The following SZT2 variants were observed in gnomAD, a reference collection of about 807,000 sequenced individuals.
SZT2 encodes KICSTOR complex protein SZT2.
A neutral mutation model predicts 404.2 loss-of-function variants in SZT2; 216 were observed. That is an observed-to-expected ratio of 0.53 (90% CI 0.48 to 0.60). The LOEUF (loss-of-function observed/expected upper bound fraction) is 0.60. Among genes scored for constraint, SZT2 ranks in the 20% least tolerant of loss-of-function variants. SZT2 has a pLI of 0.00. For synonymous variants in SZT2, 1,693 were observed against 1,749.9 expected, an observed-to-expected ratio of 0.97 and a Z score of 0.81; for missense variants, 3,857 against 4,459.2, an observed-to-expected ratio of 0.86 and a Z score of 3.85.
chr1:43,431,941 C>T, intron 36 of SZT2, 40 bp downstream of exon 36: 1 of 1,608,422 alleles, frequency 6.2e-7, no homozygotes, highest in Non-Finnish European at 8.5e-7. Context: ...ACCTTGGGGC[C>T]CGTCCTTCCC....
chr1:43,453,824 C>T lies in SZT2; in HGVS notation c.*3344C>T. 1 of 1,212,072 alleles carries T rather than the reference C, an allele frequency of 8.3e-7. No individual in the cohort carries two copies. Among genetic ancestry groups the T allele is most frequent in the Non-Finnish European group, 1.0e-6 (1 of 977,328 alleles). 75.1% of individuals were successfully genotyped at this position (1,212,072 alleles called of 1,614,324 possible). On this transcript the variant is annotated 3_prime_UTR_variant, in exon 72 of 72. Transcript: ENST00000634258. ...GGGAGGCCGGGCCGGGCGGAGTCCG[C>T]GGGATCCAAAGGCGGCGGGCGGCGG...
At position 43,428,263 on chromosome 1, in the gene SZT2, G is replaced by A. The variant is rs1653427302; in HGVS notation, c.3943G>A (p.Ala1315Thr). The A allele has an allele frequency of 3.1e-6, 5 of 1,614,088 alleles. No homozygotes were observed. The highest frequency in any genetic ancestry group is 2.2e-5 in the East Asian group (1 of 44,898). The change falls in exon 28 of 72, where the codon GCA (alanine) becomes ACA (threonine). Residue 1315 changes from alanine to threonine, a missense_variant. Ala to Thr is a moderately conservative substitution (Grantham distance 58). Transcript: ENST00000634258. ...AGGGCTATTCCGCAGCTTGCAGCAA[G>A]CACAGAGTGTGACCTCCCAGGATTT... ...VRGLFRSLQQAQSVTSQDLLT... is the reference protein window; with the variant it reads ...VRGLFRSLQQTQSVTSQDLLT...
chr1:43,414,761 C>G (rs1275489416), intron 4 of SZT2, among the ~76,000 whole-genome samples: 1 of 152,134 alleles, frequency 6.6e-6, no homozygotes, highest in Admixed American at 6.5e-5. Flanking sequence ...ATAAGACATC[C>G]TGTAGGCCAA....
chr1:43,413,499 C>T (rs1302059905), intron 4 of SZT2, among the ~76,000 whole-genome samples: 1 of 152,164 alleles, frequency 6.6e-6, no homozygotes, highest in Admixed American at 6.5e-5. Context: ...GATATCTGCA[C>T]TCCCATGTTT....
rs1653152188 is a variant in SZT2 at position 43,426,421 on chromosome 1, C to G, written c.3097C>G (p.Leu1033Val). 1 of 1,593,952 alleles carries G rather than the reference C, an allele frequency of 6.3e-7. No homozygotes were observed. The highest frequency in any genetic ancestry group is 1.7e-5 in the Admixed American group (1 of 59,508). The change falls in exon 22 of 72, where the codon CTG (leucine) becomes GTG (valine). Residue 1033 changes from leucine to valine, a missense_variant. By Grantham distance (32) the Leu-to-Val change is conservative. This residue lies in a region of SZT2 where 1,725 missense variants were observed against 1,881.0 expected (regional missense o/e 0.92). Transcript: ENST00000634258. The surrounding 1 kb of genome is among the most constrained non-coding windows in gnomAD (Gnocchi z 4.9). The stretch of plus-strand genomic sequence containing the variant: ...GTCCTGTCCTGCCAACGACATGGTG[C>G]TGTGCCTGCTGCACAGCTGCCTGGG... ...EGSCPANDMV[L>V]CLLHSCLGQE...
chr1:43,391,857 G>A (rs1227457743), intron 1 of SZT2, among the ~76,000 whole-genome samples: 1 of 27,412 alleles, frequency 3.6e-5, no homozygotes, highest in African/African-American at 1.5e-4. Flanking sequence ...CGAGGCGGGC[G>A]GATCACGAGG....
chr1:43,435,447 C>T, intron 42 of SZT2, 118 bp downstream of exon 42: 2 of 1,155,506 alleles, frequency 1.7e-6, no homozygotes, highest in Non-Finnish European at 2.4e-6. Context: ...GTGCCAAGTA[C>T]TAGAGAGAGA....
rs1181572790 is a variant in SZT2, at chr1:43,442,873, G to A, written c.8206G>A (p.Ala2736Thr). ...GGAAGTGGAGACCCTCATCCGGAGT[G>A]CAAGTCCCCCGCTGAGCCGTGAGCA... ...TMEVETLIRS[A>T]SPPLSREQGR... Residue 2736 changes from alanine to threonine, a missense_variant, in exon 59 of 72, where the codon GCA becomes ACA. Ala to Thr is a moderately conservative substitution (Grantham distance 58, BLOSUM62 0). Around this residue, in one of 7 missense-constraint regions of SZT2, gnomAD observed 573 missense variants for 592.4 expected, o/e 0.97. Coordinates refer to ENST00000634258, the MANE Select transcript of SZT2 (RefSeq NM_001365999.1). The surrounding 1 kb of genome is among the most constrained non-coding windows in gnomAD (Gnocchi z 4.5). The A allele has an allele frequency of 1.2e-6, 2 of 1,613,508 alleles. No homozygotes were observed. The highest frequency in any genetic ancestry group is 1.7e-6 in the Non-Finnish European group (2 of 1,179,716).
Position 43,415,165 on chromosome 1 carries a change from G to A in SZT2, c.582G>A (p.Glu194=), listed in dbSNP as rs770868102. The change falls in exon 5 of 72, where the codon GAG becomes GAA. Residue 194 remains glutamate, a synonymous_variant. Coordinates refer to ENST00000634258, the MANE Select transcript of SZT2 (RefSeq NM_001365999.1). ...TATATGAGCAGCTCTGCCTCTTTGA[G>A]GATAAGGTGGCCACCATGCTGCAGC... ...QQIYEQLCLF[E]DKVATMLQQQ... is the part of the protein sequence containing the mutation. 1.9e-6 allele frequency: 3 copies of A among 1,598,072 alleles called. No homozygotes were observed. Among genetic ancestry groups the A allele is most frequent in the East Asian group, 2.2e-5 (1 of 44,874 alleles).
Position 43,424,994 on chromosome 1 carries a change from T to C in SZT2, c.2551-119T>C. 1 of 1,508,766 alleles carries C rather than the reference T, an allele frequency of 6.6e-7. No homozygotes were observed. The highest frequency in any genetic ancestry group is 1.2e-5 in the South Asian group (1 of 86,318). The allele number at this position is 1,508,766 out of a possible 1,614,324, so 93.5% of individuals were successfully genotyped here. A position where few individuals can be genotyped will look rare whatever the true frequency, so the allele number is the denominator to read the frequency against. ...CTGTGGCCAGAGGATGCTCAAGGTC[T>C]GAGGCTGCAGTCATAGGACAATTTG... On this transcript the variant is annotated intron_variant, in intron 17 of 71. Coordinates refer to ENST00000634258, the MANE Select transcript of SZT2 (RefSeq NM_001365999.1). The surrounding 1 kb of genome is among the most constrained non-coding windows in gnomAD (Gnocchi z 4.1).
Position 43,422,110 on chromosome 1 carries a change from G to A in SZT2, c.1654G>A (p.Asp552Asn), listed in dbSNP as rs1395880643. The change falls in exon 12 of 72, where the codon GAC (aspartate) becomes AAC (asparagine). Residue 552 changes from aspartate to asparagine, a missense_variant. Around this residue, in one of 7 missense-constraint regions of SZT2, gnomAD observed 39 missense variants for 89.7 expected, o/e 0.43. Coordinates refer to ENST00000634258, the MANE Select transcript of SZT2 (RefSeq NM_001365999.1). ...PVLSLQPSGS[D>N]SSHAQFAAYW... ...GCTCTCCCTCCAGCCCAGTGGTTCT[G>A]ACTCATCCCATGCCCAGTTTGCTGC... 1 of 1,597,872 alleles carries A rather than the reference G, an allele frequency of 6.3e-7. No homozygotes were observed. The highest frequency in any genetic ancestry group is 8.5e-7 in the Non-Finnish European group (1 of 1,179,362).
In SZT2 at chr1:43,426,855, T is replaced by C. The variant is rs371964665; in HGVS notation, c.3309+46T>C. 14 of 1,593,204 alleles carry C rather than the reference T, an allele frequency of 8.8e-6. No homozygotes were observed. The African/African-American group carries it at 1.7e-4, about 20-fold the overall frequency. ...CTGAGCCCTTGTCACACTGACCTCC[T>C]TCCAGCACCACATCTTCAGGCCCCA... On this transcript the variant is annotated intron_variant, in intron 23 of 71. Transcript: ENST00000634258. The surrounding 1 kb of genome is among the most constrained non-coding windows in gnomAD (Gnocchi z 4.9).
At chr1:43,393,388 T>C (rs927118070) in intron 1 of SZT2, among the ~76,000 whole-genome samples, 6 of 152,204 alleles carry the variant, frequency 3.9e-5, no homozygotes, top group Non-Finnish European at 8.8e-5. Flanking sequence ...ACAGATGAGC[T>C]AACTGAGGCA....
chr1:43,409,467 A>G (rs1484179104), intron 4 of SZT2: 7 of 388,856 alleles, frequency 1.8e-5, no homozygotes, highest in Non-Finnish European at 3.5e-5. Context: ...AAACTGGAAA[A>G]TAAGTCAAAT....
intron 1 of SZT2, among the ~76,000 whole-genome samples, chr1:43,402,233 G>A (rs1649771301): frequency 6.6e-6 from 1 of 152,228 alleles, no homozygotes; most frequent in Non-Finnish European, 1.5e-5. Context: ...ACAGACAAGA[G>A]AAAGGGAGTA....
Position 43,453,831 on chromosome 1 carries a change from C to T in SZT2, c.*3351C>T, listed in dbSNP as rs1447811524. ...CGGGCCGGGCGGAGTCCGCGGGATC[C>T]AAAGGCGGCGGGCGGCGGGCGGCGG... On this transcript the variant is annotated 3_prime_UTR_variant, in exon 72 of 72. Coordinates refer to ENST00000634258, the MANE Select transcript of SZT2 (RefSeq NM_001365999.1). 8.3e-7 allele frequency: 1 copy of T among 1,206,112 alleles called. No homozygotes were observed. 74.7% of individuals were successfully genotyped at this position (1,206,112 alleles called of 1,614,324 possible).
chr1:43,424,997 G>A lies in SZT2; in HGVS notation c.2551-116G>A. ...TGGCCAGAGGATGCTCAAGGTCTGA[G>A]GCTGCAGTCATAGGACAATTTGGTG... is the stretch of plus-strand genomic sequence containing the variant. On this transcript the variant is annotated intron_variant, in intron 17 of 71. Transcript: ENST00000634258. The surrounding 1 kb of genome is among the most constrained non-coding windows in gnomAD (Gnocchi z 4.1). 2.0e-6 allele frequency: 3 copies of A among 1,514,434 alleles called. No individual in the cohort carries two copies. The highest frequency in any genetic ancestry group is 1.8e-6 in the Non-Finnish European group (2 of 1,093,452). 93.8% of individuals were successfully genotyped at this position (1,514,434 alleles called of 1,614,324 possible).
intron 65 of SZT2, 95 bp downstream of exon 65, chr1:43,446,511 G>T: frequency 6.7e-7 from 1 of 1,481,500 alleles, no homozygotes; most frequent in Non-Finnish European, 9.4e-7. Context: ...GAGTAATGCA[G>T]TAGGCGGGCT....
Position 43,389,986 on chromosome 1 carries a change from G to T in SZT2, c.18G>T (p.Pro6=), listed in dbSNP as rs1648072248. ...GCTGTGTGATGGCCTCGGAGCGCCCGGAGCCGGAGGTGAGGGGCGGGCGGG... is the reference window on the plus strand; with the variant it reads ...GCTGTGTGATGGCCTCGGAGCGCCCTGAGCCGGAGGTGAGGGGCGGGCGGG... The part of the protein sequence containing the change: MASER[P]EPEVEEAGQV... The change falls in exon 1 of 72, where the codon CCG becomes CCT. Residue 6 remains proline, a synonymous_variant. Coordinates refer to ENST00000634258, the MANE Select transcript of SZT2 (RefSeq NM_001365999.1). 7 of 1,394,160 alleles carry T rather than the reference G, an allele frequency of 5.0e-6. No individual in the cohort carries two copies. Among genetic ancestry groups the T allele is most frequent in the African/African-American group, 1.5e-5 (1 of 66,274 alleles). The allele number at this position is 1,394,160 out of a possible 1,614,324, so 86.4% of individuals were successfully genotyped here. A position where few individuals can be genotyped will look rare whatever the true frequency, so the allele number is the denominator to read the frequency against.
Sources: allele counts gnomAD v4.1 joint callset (sites outside exome capture counted in the v4.1 genomes callset), GRCh38; gene constraint gnomAD v4.1.1; regional missense constraint gnomAD v4.1.1; non-coding constraint Gnocchi (gnomAD v3.1); transcripts MANE v1.5; gene names NCBI Gene and HGNC (gene_info 2026-07-23, HGNC 2026-07-21).